IQGAP2: variants seen among roughly 807,000 people sequenced by gnomAD.
IQGAP2 encodes ras GTPase-activating-like protein IQGAP2.
A neutral mutation model predicts 201.3 loss-of-function variants in IQGAP2; 173 were observed. That is an observed-to-expected ratio of 0.86 (90% confidence interval 0.76 to 0.98). The LOEUF (loss-of-function observed/expected upper bound fraction) is 0.98, where lower values mean the gene tolerates loss of function less well. Ranked by LOEUF, IQGAP2 falls within the 50% of genes least tolerant of loss-of-function variation. The pLI, the probability that IQGAP2 is intolerant of heterozygous loss-of-function variation, is 0.00. For synonymous variants in IQGAP2, 675 were observed against 673.9 expected (o/e 1.00, Z -0.03); for missense variants, 1,687 against 1,864.8 (o/e 0.90, Z 1.76).
At chr5:76,634,051 A>G (rs72777549) in intron 15 of IQGAP2, among the ~76,000 whole-genome samples, 5,682 of 151,380 alleles carry the variant, frequency 0.038, 169 homozygotes, top group East Asian at 0.16. Context: ...TGATTTTTGT[A>G]TATTGATCTT....
rs547966996 is a variant in IQGAP2, at chr5:76,599,958, A to G, written c.1072-854A>G. Among the ~76,000 whole-genome samples, 5 of 152,256 alleles carry G rather than the reference A, an allele frequency of 3.3e-5. No individual in the cohort carries two copies. In the East Asian group the frequency reaches 9.7e-4, roughly 29 times the overall value. On this transcript the variant is annotated intron_variant, in intron 10 of 35. Coordinates refer to ENST00000274364, the MANE Select transcript of IQGAP2 (RefSeq NM_006633.5). The stretch of plus-strand genomic sequence containing the variant: ...TGAAATCTAAGACGTATTTTTTTGG[A>G]TAAGCTAAATCCAGATTTTAAATCA...
chr5:76,541,206 CT>C (rs111993685), intron 2 of IQGAP2, among the ~76,000 whole-genome samples: 3,008 of 152,114 alleles, frequency 0.02, 92 homozygotes, highest in African/African-American at 0.068. Context: ...TCCTAGCCCC[CT>C]GGTAACCTCT....
chr5:76,452,522 T>C (rs1338859383), intron 1 of IQGAP2, among the ~76,000 whole-genome samples: 1 of 152,248 alleles, frequency 6.6e-6, no homozygotes, highest in Non-Finnish European at 1.5e-5. Context: ...TTGAGATTTT[T>C]GGATCTCTGA....
intron 2 of IQGAP2, among the ~76,000 whole-genome samples, chr5:76,477,577 T>C (rs1380241199): frequency 2.0e-5 from 3 of 152,248 alleles, no homozygotes; most frequent in Non-Finnish European, 4.4e-5. Context: ...TACATAATAC[T>C]TCATAATGGT....
At chr5:76,567,604 G>T (rs1744843334) in intron 3 of IQGAP2, among the ~76,000 whole-genome samples, 1 of 152,070 alleles carries the variant, frequency 6.6e-6, no homozygotes, top group Non-Finnish European at 1.5e-5. Context: ...ATAATATTTG[G>T]ACTTGAAGTC....
At chr5:76,553,055 C>A (rs188649701) in intron 2 of IQGAP2, among the ~76,000 whole-genome samples, 3 of 152,264 alleles carry the variant, frequency 2.0e-5, no homozygotes. Context: ...CCGTAGATGC[C>A]CACTTTAGTT....
chr5:76,669,790 C>T (rs906847985), intron 23 of IQGAP2, among the ~76,000 whole-genome samples: 8 of 152,242 alleles, frequency 5.3e-5, no homozygotes, highest in Non-Finnish European at 1.2e-4. Flanking sequence ...TAGTGGGAGA[C>T]TCTGAGTAAA....
chr5:76,566,790 G>A (rs2150262997), intron 3 of IQGAP2, among the ~76,000 whole-genome samples: 1 of 152,162 alleles, frequency 6.6e-6, no homozygotes, highest in South Asian at 2.1e-4. Context: ...GAAATGGATG[G>A]AGGGCCATGA....
At chr5:76,588,826 A>G (rs1397529053) in intron 5 of IQGAP2, 80 bp from the exon 6 acceptor site, 16 of 790,728 alleles carry the variant, frequency 2.0e-5, no homozygotes, top group Non-Finnish European at 3.1e-5. Flanking sequence ...AACTGAAAAA[A>G]CTATTAAGAA....
chr5:76,568,036 A>G (rs1744873894), intron 3 of IQGAP2, among the ~76,000 whole-genome samples: 1 of 152,222 alleles, frequency 6.6e-6, no homozygotes. Context: ...GTTAAAGATG[A>G]TTATAGTGGA....
intron 21 of IQGAP2, among the ~76,000 whole-genome samples, chr5:76,659,579 G>A (rs1358540903): frequency 1.3e-5 from 2 of 152,140 alleles, no homozygotes; most frequent in African/African-American, 2.4e-5. Flanking sequence ...AATGTATTAT[G>A]CATCTACATA....
At chr5:76,559,077 AT>A (rs1744149600) in intron 2 of IQGAP2, among the ~76,000 whole-genome samples, 1 of 151,664 alleles carries the variant, frequency 6.6e-6, no homozygotes. Flanking sequence ...ATTTTTTTGT[AT>A]TTTTATTAGA....
rs1183649697 is a variant in IQGAP2, at chr5:76,540,420, G to A, written c.147-21976G>A. Among the ~76,000 whole-genome samples, 8 of 152,266 alleles carry A rather than the reference G, an allele frequency of 5.3e-5. No homozygotes were observed. The East Asian group carries it at 1.5e-3, about 29-fold the overall frequency. ...GGGGAAGAGGAGTTGGAGGTATGGA[G>A]CACTAGATTATAGGTCAGTGTTCAG... On this transcript the variant is annotated intron_variant, in intron 2 of 35. Transcript: ENST00000274364.
Position 76,413,156 on chromosome 5 carries a change from C to CTTTTTTTTTTTTTTTTTTTTTTTTT in IQGAP2, c.46+9571_46+9595dup, listed in dbSNP as rs567410789. Among the ~76,000 whole-genome samples, 12 of 83,692 alleles carry CTTTTTTTTTTTTTTTTTTTTTTTTT rather than the reference C, an allele frequency of 1.4e-4. 1 individual carries two copies. The highest frequency in any genetic ancestry group is 2.6e-4 in the African/African-American group (5 of 19,284). 54.9% of individuals were successfully genotyped at this position (83,692 alleles called of 152,430 possible). The stretch of plus-strand genomic sequence containing the variant: ...TATTTTCTTTTTTCTTTTCTTTTCT[C>CTTTTTTTTTTTTTTTTTTTTTTTTT]TTTTTTTTTTTTTTTTTTTTTTTTT... On this transcript the variant is annotated intron_variant, in intron 1 of 35. Coordinates refer to ENST00000274364, the MANE Select transcript of IQGAP2 (RefSeq NM_006633.5).
intron 1 of IQGAP2, among the ~76,000 whole-genome samples, chr5:76,440,853 G>A (rs769467885): frequency 1.3e-5 from 2 of 152,044 alleles, no homozygotes; most frequent in Non-Finnish European, 2.9e-5. Context: ...CCAACATGGC[G>A]AAACCTGTCC....
At chr5:76,670,711 A>C (rs1275477769) in intron 23 of IQGAP2, among the ~76,000 whole-genome samples, 1 of 152,218 alleles carries the variant, frequency 6.6e-6, no homozygotes, top group African/African-American at 2.4e-5. Flanking sequence ...CAGCAACCAT[A>C]AATCAAGAAA....
chr5:76,640,018 C>T (rs935830798), intron 16 of IQGAP2, among the ~76,000 whole-genome samples: 3 of 152,112 alleles, frequency 2.0e-5, no homozygotes, highest in Admixed American at 1.3e-4. Flanking sequence ...CCAAGATATA[C>T]CCCAGGTATA....
intron 2 of IQGAP2, among the ~76,000 whole-genome samples, chr5:76,513,808 ATG>A (rs1580359505): frequency 6.6e-6 from 1 of 152,230 alleles, no homozygotes; most frequent in East Asian, 1.9e-4. Context: ...AAAATACAGA[ATG>A]TGCAACACCA....
rs1414080925 is a variant in IQGAP2 at position 76,671,859 on chromosome 5, C to T, written c.2944C>T (p.Arg982Cys). 9 of 1,613,856 alleles carry T rather than the reference C, an allele frequency of 5.6e-6. No individual in the cohort carries two copies. Among genetic ancestry groups the T allele is most frequent in the African/African-American group, 1.3e-5 (1 of 74,882 alleles). ...AGGTGCCCGGGGACAGAACACCCTG[C>T]GCCAACTCCTGGCTCCAGTGGTAAA... ...NRGARGQNTL[R>C]QLLAPVVKEI... Residue 982 changes from arginine (R) to cysteine (C), a missense_variant, in exon 24 of 36, where the codon CGC becomes TGC. Transcript: ENST00000274364.
Sources: gnomAD v4.1 joint callset for allele counts (sites outside exome capture counted in the v4.1 genomes callset) on GRCh38, gnomAD v4.1.1 for gene constraint, MANE v1.5 for transcripts, NCBI Gene and HGNC (gene_info 2026-07-23, HGNC 2026-07-21) for gene names.